The following CELF2 variants were observed in gnomAD, a reference collection of about 807,000 sequenced individuals.
CELF2 encodes the protein CUG triplet repeat RNA-binding protein 2.
A neutral mutation model predicts 62.6 loss-of-function variants in CELF2; 8 were observed. That is an observed-to-expected ratio of 0.13 (90% CI 0.07 to 0.23). The LOEUF (loss-of-function observed/expected upper bound fraction) is 0.23, where lower values mean the gene tolerates loss of function less well. Among genes scored for constraint, CELF2 ranks in the 10% least tolerant of loss-of-function variants. CELF2 has a pLI of 1.00. For missense variants in CELF2, 333 were observed against 671.0 expected, an observed-to-expected ratio of 0.50 and a Z score of 5.56; for synonymous variants, 258 against 250.0, an observed-to-expected ratio of 1.03 and a Z score of -0.30.
chr10:10,927,364 A>AAAAAAAC (rs2065621725), intron 2 of CELF2: 8 of 151,154 alleles, frequency 5.3e-5, no homozygotes, highest in Admixed American at 5.3e-4. Flanking sequence ...AAAAAAAAAA[A>AAAAAAAC]AACACCTTTT....
intron 2 of CELF2, among the ~76,000 whole-genome samples, chr10:10,939,152 G>A (rs1214920787): frequency 4.9e-5 from 6 of 122,796 alleles, no homozygotes; most frequent in Admixed American, 9.4e-5. Flanking sequence ...CAGTGTGGCC[G>A]CTATTGTAAC....
At chr10:10,960,364 G>A (rs1321497380) in intron 2 of CELF2, 1 of 152,198 alleles carries the variant, frequency 6.6e-6, no homozygotes, top group African/African-American at 2.4e-5. Context: ...CAACTGACTG[G>A]TATTCACATT....
the CELF2 span, among the ~76,000 whole-genome samples, chr10:10,503,566 T>A: frequency 6.6e-6 from 1 of 152,038 alleles, no homozygotes; most frequent in African/African-American, 2.4e-5. Flanking sequence ...GTATGATATA[T>A]CTTTTTCCAT....
intron 1 of CELF2, among the ~76,000 whole-genome samples, chr10:11,040,677 A>G (rs189151469): frequency 6.8e-4 from 103 of 152,222 alleles, no homozygotes; most frequent in Non-Finnish European, 1.3e-3. Context: ...AAAACTCTGC[A>G]TCCTCAAAGT....
At chr10:11,215,381 A>T (rs1368428575) in intron 2 of CELF2, among the ~76,000 whole-genome samples, 1 of 151,810 alleles carries the variant, frequency 6.6e-6, no homozygotes, top group South Asian at 2.1e-4. Flanking sequence ...CTCTATTTTC[A>T]TTTTCCCTGT....
the CELF2 span, among the ~76,000 whole-genome samples, chr10:10,645,328 A>G: frequency 2.0e-5 from 3 of 152,038 alleles, no homozygotes; most frequent in Non-Finnish European, 2.9e-5. Context: ...ACTGCTCATG[A>G]TTTACTTTTA....
chr10:11,114,579 A>G (rs1460535560), intron 1 of CELF2, among the ~76,000 whole-genome samples: 1 of 152,232 alleles, frequency 6.6e-6, no homozygotes, highest in African/African-American at 2.4e-5. Context: ...TTGGAATATC[A>G]ATGCAGTCAA....
intron 1 of CELF2, among the ~76,000 whole-genome samples, chr10:10,838,077 C>T (rs142881723): frequency 2.6e-5 from 4 of 152,282 alleles, no homozygotes; most frequent in Non-Finnish European, 2.9e-5. Flanking sequence ...TTTAGTGTCA[C>T]GTTTCCTTGG....
At chr10:11,273,715 G>GGGTT (rs141599147) in intron 7 of CELF2, among the ~76,000 whole-genome samples, 218 of 150,518 alleles carry the variant, frequency 1.4e-3, no homozygotes, top group Admixed American at 2.4e-3. Context: ...TGAAAGTTTT[G>GGGTT]TTTTTTTGTT....
intron 3 of CELF2, among the ~76,000 whole-genome samples, chr10:11,235,800 AG>A (rs2071004889): frequency 6.8e-6 from 1 of 148,098 alleles, no homozygotes; most frequent in Non-Finnish European, 1.5e-5. Flanking sequence ...TTAGGAGAGA[AG>A]TTTTTTTTGG....
chr10:11,164,938 C>G, intron 1 of CELF2: 1 of 372,878 alleles, frequency 2.7e-6, no homozygotes, highest in Non-Finnish European at 3.7e-6. Context: ...CCGCATCTTG[C>G]ATTAGTCATC....
At chr10:10,602,014 T>A in the CELF2 span, among the ~76,000 whole-genome samples, 1 of 152,166 alleles carries the variant, frequency 6.6e-6, no homozygotes, top group Non-Finnish European at 1.5e-5. Context: ...CCAGTGTTAG[T>A]TTGCTGAGGA....
the CELF2 span, among the ~76,000 whole-genome samples, chr10:10,750,865 C>T: frequency 6.6e-6 from 1 of 152,304 alleles, no homozygotes; most frequent in East Asian, 1.9e-4. Context: ...AATTTGGTTG[C>T]CATGGGTGCA....
intron 1 of CELF2, among the ~76,000 whole-genome samples, chr10:11,021,724 G>C (rs1349284571): frequency 1.3e-5 from 2 of 152,220 alleles, no homozygotes; most frequent in Non-Finnish European, 2.9e-5. Context: ...TGGCAAAACT[G>C]TGGTTTTCAA....
chr10:10,722,741 G>C, the CELF2 span, among the ~76,000 whole-genome samples: 2 of 152,164 alleles, frequency 1.3e-5, no homozygotes, highest in South Asian at 4.2e-4. Flanking sequence ...GCCAGCCAGG[G>C]GTGATGGGAA....
At chr10:10,906,971 C>A (rs1257170500) in intron 1 of CELF2, among the ~76,000 whole-genome samples, 1 of 152,100 alleles carries the variant, frequency 6.6e-6, no homozygotes, top group African/African-American at 2.4e-5. Context: ...CCCCCCTCAG[C>A]CTCCCAAAGT....
intron 1 of CELF2, among the ~76,000 whole-genome samples, chr10:11,019,519 A>G (rs888926241): frequency 4.6e-5 from 7 of 152,074 alleles, no homozygotes; most frequent in Admixed American, 2.0e-4. Flanking sequence ...CTAGCATGTT[A>G]AGTGTTATGA....
intron 10 of CELF2, among the ~76,000 whole-genome samples, chr10:11,320,346 C>G (rs546632486): frequency 6.6e-6 from 1 of 152,216 alleles, no homozygotes; most frequent in Non-Finnish European, 1.5e-5. Flanking sequence ...AGACACACCT[C>G]TGTCTCCGGC....
intron 2 of CELF2, among the ~76,000 whole-genome samples, chr10:10,933,352 G>C (rs2066289966): frequency 6.6e-6 from 1 of 152,230 alleles, no homozygotes; most frequent in South Asian, 2.1e-4. Context: ...GGTACAGTAT[G>C]ATATTTCTAT....
Sources: allele counts gnomAD v4.1 joint callset (sites outside exome capture counted in the v4.1 genomes callset), GRCh38; gene constraint gnomAD v4.1.1; transcripts MANE v1.5; gene names NCBI Gene and HGNC (gene_info 2026-07-23, HGNC 2026-07-21).